LCOR: variants seen among roughly 807,000 people sequenced by gnomAD.
LCOR encodes the protein ligand-dependent corepressor.
In LCOR, 14 loss-of-function variants were observed where a neutral mutation model predicts 64.4. That is an observed-to-expected ratio of 0.22 (90% CI 0.14 to 0.34). The LOEUF (loss-of-function observed/expected upper bound fraction) is 0.34, where lower values mean the gene tolerates loss of function less well. LCOR is among the 10% of genes least tolerant of loss of function. LCOR has a pLI of 1.00. For synonymous variants in LCOR, 643 were observed against 642.5 expected, an observed-to-expected ratio of 1.00 and a Z score of -0.01; for missense variants, 1,686 against 1,765.3, an observed-to-expected ratio of 0.96 and a Z score of 0.80.
chr10:96,944,317 T>C, intron 5 of LCOR, 72 bp downstream of exon 5: 3 of 829,874 alleles, frequency 3.6e-6, no homozygotes, highest in Non-Finnish European at 4.4e-6. Flanking sequence ...TTCATTGTCA[T>C]TTTTAAAGTT....
chr10:96,900,610 A>G (rs1846617533), intron 2 of LCOR, among the ~76,000 whole-genome samples: 1 of 152,120 alleles, frequency 6.6e-6, no homozygotes, highest in South Asian at 2.1e-4. Flanking sequence ...ACAACATATT[A>G]GAGATCAAAA....
At chr10:96,892,453 C>G (rs892932458) in intron 2 of LCOR, among the ~76,000 whole-genome samples, 2 of 152,118 alleles carry the variant, frequency 1.3e-5, no homozygotes, top group Non-Finnish European at 2.9e-5. Context: ...AGTTCAAGAT[C>G]AAGACACAGA....
rs149300686 is a variant in LCOR at position 96,965,793 on chromosome 10, C to T, written c.332+13597C>T. On this transcript the variant is annotated intron_variant, in intron 7 of 7. Transcript: ENST00000421806. ...GCTTTATTTGTTCCCCTTAATTATG[C>T]CACATACTTAATCAAGATTTTTTAA... Among the ~76,000 whole-genome samples the T allele has an allele frequency of 5.1e-4, 77 of 151,912 alleles. No homozygotes were observed. In the East Asian group the frequency reaches 0.014, roughly 28 times the overall value.
intron 1 of LCOR, chr10:96,832,935 G>C (rs1845369981): frequency 2.1e-6 from 2 of 959,520 alleles, no homozygotes; most frequent in African/African-American, 3.5e-5. Flanking sequence ...GCTGCAGGCG[G>C]GCGCCCGGCG....
At chr10:96,921,708 C>T (rs557717207) in intron 4 of LCOR, among the ~76,000 whole-genome samples, 4 of 152,152 alleles carry the variant, frequency 2.6e-5, no homozygotes, top group Non-Finnish European at 5.9e-5. Flanking sequence ...AAGTGATCCA[C>T]CTGCCTTGGC....
At chr10:96,857,077 GAT>G (rs200056111) in intron 2 of LCOR, among the ~76,000 whole-genome samples, 2 of 146,942 alleles carry the variant, frequency 1.4e-5, no homozygotes, top group South Asian at 2.1e-4. Flanking sequence ...TATTACTATA[GAT>G]ATATATATGT....
At chr10:96,833,697 T>C (rs1017571022) in intron 2 of LCOR, among the ~76,000 whole-genome samples, 1 of 152,240 alleles carries the variant, frequency 6.6e-6, no homozygotes, top group African/African-American at 2.4e-5. Context: ...GGGAATATTC[T>C]TGGGAACCAG....
In LCOR at chr10:96,990,937, T is replaced by C. The variant is rs1449592571; in HGVS notation, c.*5803T>C. On this transcript the variant is annotated 3_prime_UTR_variant, in exon 8 of 8. Transcript: ENST00000421806. ...GCCTCATGAAAGCATAGACTGTCCA[T>C]TTAAAAAAAAATCAGGTACTCATGG... 1 of 150,394 alleles carries C rather than the reference T, an allele frequency of 6.6e-6. No individual in the cohort carries two copies. Among genetic ancestry groups the C allele is most frequent in the East Asian group, 2.0e-4 (1 of 5,098 alleles). 9.3% of individuals were successfully genotyped at this position (150,394 alleles called of 1,614,324 possible).
intron 6 of LCOR, among the ~76,000 whole-genome samples, chr10:96,950,872 G>A (rs763856208): frequency 6.6e-6 from 1 of 152,048 alleles, no homozygotes; most frequent in Non-Finnish European, 1.5e-5. Context: ...TAGTACATTT[G>A]CTTCTTAGAT....
chr10:96,876,775 C>T (rs1321484129), intron 2 of LCOR, among the ~76,000 whole-genome samples: 6 of 152,060 alleles, frequency 3.9e-5, no homozygotes, highest in African/African-American at 1.2e-4. Context: ...CTGCAATCTC[C>T]GCCTCCCGGG....
chr10:96,852,196 C>T (rs778716729), intron 2 of LCOR, among the ~76,000 whole-genome samples: 8 of 152,072 alleles, frequency 5.3e-5, no homozygotes, highest in East Asian at 1.9e-4. Flanking sequence ...GTGGGAGGAT[C>T]GCTTGAGCCC....
chr10:96,967,259 GTAGCTGGGATTA>G (rs1420260143), intron 7 of LCOR, among the ~76,000 whole-genome samples: 1 of 152,138 alleles, frequency 6.6e-6, no homozygotes, highest in Admixed American at 6.5e-5. Context: ...AGCCACTCGA[GTAGCTGGGATTA>G]TAGGTGTGTG....
intron 7 of LCOR, among the ~76,000 whole-genome samples, chr10:96,953,350 G>A (rs1235631967): frequency 2.0e-5 from 3 of 151,962 alleles, no homozygotes; most frequent in Admixed American, 6.6e-5. Flanking sequence ...TCAGGAGTTC[G>A]AGACAAGCCT....
At chr10:96,858,411 T>C (rs1845837773) in intron 2 of LCOR, among the ~76,000 whole-genome samples, 1 of 152,180 alleles carries the variant, frequency 6.6e-6, no homozygotes, top group African/African-American at 2.4e-5. Context: ...AGAAGACCTT[T>C]AGATTGTGAG....
At chr10:96,834,193 G>A (rs1845400439) in intron 2 of LCOR, among the ~76,000 whole-genome samples, 2 of 152,172 alleles carry the variant, frequency 1.3e-5, no homozygotes. Context: ...CTGTAACACC[G>A]AAATTAATAT....
chr10:96,889,065 C>T (rs182376841), intron 2 of LCOR, among the ~76,000 whole-genome samples: 4 of 152,304 alleles, frequency 2.6e-5, no homozygotes, highest in Admixed American at 2.0e-4. Flanking sequence ...TTAGTATATT[C>T]AAAGTGTTGT....
intron 7 of LCOR, among the ~76,000 whole-genome samples, chr10:96,968,068 G>A (rs1333754384): frequency 2.0e-5 from 3 of 151,760 alleles, no homozygotes; most frequent in Non-Finnish European, 1.5e-5. Flanking sequence ...TTTTATTATG[G>A]TTAAAAAAAA....
intron 4 of LCOR, among the ~76,000 whole-genome samples, chr10:96,922,597 C>A (rs2134476338): frequency 6.6e-6 from 1 of 152,240 alleles, no homozygotes; most frequent in South Asian, 2.1e-4. Context: ...TTGGGCTGAG[C>A]ATGAATATTG....
intron 4 of LCOR, among the ~76,000 whole-genome samples, chr10:96,941,850 C>T (rs1847489165): frequency 4.5e-5 from 5 of 111,928 alleles, no homozygotes; most frequent in Non-Finnish European, 9.5e-5. Context: ...GATGGGCGGC[C>T]GGGCAGAGAC....
Sources: gnomAD v4.1 joint callset for allele counts (sites outside exome capture counted in the v4.1 genomes callset) on GRCh38, gnomAD v4.1.1 for gene constraint, MANE v1.5 for transcripts, NCBI Gene and HGNC (gene_info 2026-07-23, HGNC 2026-07-21) for gene names.